Variants in UMODL1 observed in about 807,000 individuals in gnomAD.
The protein encoded by UMODL1 is uromodulin like 1.
A neutral mutation model predicts 136.3 loss-of-function variants in UMODL1; 128 were observed. The ratio of observed to expected loss-of-function variants is 0.94; its 90% confidence interval spans 0.81 to 1.09. The LOEUF (loss-of-function observed/expected upper bound fraction) is 1.09. Ranked by LOEUF, UMODL1 falls within the 50% of genes least tolerant of loss-of-function variation. The pLI is 0.00. For missense variants in UMODL1, 1,766 were observed against 1,725.6 expected (o/e 1.02, Z -0.41); for synonymous variants, 721 against 720.0 (o/e 1.00, Z -0.02).
rs1428094603 is a variant in UMODL1, at chr21:42,109,617, C to T, written c.1575C>T (p.Cys525=). 18 of 1,611,000 alleles carry T rather than the reference C, an allele frequency of 1.1e-5. No homozygotes were observed. Among genetic ancestry groups the T allele is most frequent in the Non-Finnish European group, 1.4e-5 (17 of 1,180,030 alleles). ...AEHDCSPAAW[C]INLEGSYTCQ... is the part of the protein sequence containing the mutation. ...ACGACTGCTCACCGGCTGCCTGGTG[C>T]ATCAACCTGGAGGGCTCCTACACCT... Residue 525 remains cysteine, a synonymous_variant, in exon 10 of 23, where the codon TGC becomes TGT. Coordinates refer to ENST00000408910, the MANE Select transcript of UMODL1 (RefSeq NM_001004416.3).
Position 42,121,117 on chromosome 21 carries a change from A to T in UMODL1, c.2720A>T (p.Asp907Val), listed in dbSNP as rs554595544. ...DYDECERKEDDCVPGTSCRNT... is the reference protein window; with the variant it reads ...DYDECERKEDVCVPGTSCRNT... ...GATGAGTGTGAAAGGAAGGAGGACG[A>T]CTGTGTGCCGGGGACATCCTGTCGA... is the stretch of plus-strand genomic sequence containing the variant. Residue 907 changes from aspartate to valine, a missense_variant, in exon 16 of 23, where the codon GAC becomes GTC. Transcript: ENST00000408910. 7.4e-6 allele frequency: 12 copies of T among 1,613,996 alleles called. No individual in the cohort carries two copies. In the South Asian group the frequency reaches 1.2e-4, roughly 16 times the overall value.
chr21:42,115,912 T>G lies in UMODL1; in HGVS notation c.2402T>G (p.Val801Gly). The G allele has an allele frequency of 6.2e-7, 1 of 1,614,018 alleles. No individual in the cohort carries two copies. Among genetic ancestry groups the G allele is most frequent in the Non-Finnish European group, 8.5e-7 (1 of 1,179,990 alleles). Reference sequence around the variant, plus strand: ...ATTGGAAAGGTCAGAATCAAAAATGTCAGGTACTCAGAATCCTTTCGCAAC... The same window carrying G: ...ATTGGAAAGGTCAGAATCAAAAATGGCAGGTACTCAGAATCCTTTCGCAAC... Reference protein sequence around the residue: ...KLIGKVRIKNVRYSESFRNAS... With the variant: ...KLIGKVRIKNGRYSESFRNAS... Residue 801 changes from valine (V) to glycine (G), a missense_variant, in exon 14 of 23, where the codon GTC becomes GGC. Val to Gly is a moderately radical substitution (Grantham distance 109). Transcript: ENST00000408910.
rs61044354 is a variant in UMODL1, at chr21:42,080,088, G to T, written c.319+3841G>T. Among the ~76,000 whole-genome samples the T allele has an allele frequency of 6.3e-3, 960 of 152,348 alleles. 4 individuals carry two copies. The highest frequency in any genetic ancestry group is 0.022 in the African/African-American group (918 of 41,572). On this transcript the variant is annotated intron_variant, in intron 2 of 22. Coordinates refer to ENST00000408910, the MANE Select transcript of UMODL1 (RefSeq NM_001004416.3). ...CCATGCTGGTGGTGTGAAGGCGCCTGTGGTGGGCGGATTTACACCCCGGAT... is the reference window on the plus strand; with the variant it reads ...CCATGCTGGTGGTGTGAAGGCGCCTTTGGTGGGCGGATTTACACCCCGGAT...
rs1369909058 is a variant in UMODL1, at chr21:42,142,572, T to C, written c.*498T>C. On this transcript the variant is annotated 3_prime_UTR_variant, in exon 23 of 23. Transcript: ENST00000408910. ...CTCTTGATGCTCTTTCGAAAATAGGTCAGTCTTAGAAATACACTGCTAATG... is the reference window on the plus strand; with the variant it reads ...CTCTTGATGCTCTTTCGAAAATAGGCCAGTCTTAGAAATACACTGCTAATG... 6.6e-6 allele frequency: 1 copy of C among 152,234 alleles called. No individual in the cohort carries two copies. The highest frequency in any genetic ancestry group is 2.4e-5 in the African/African-American group (1 of 41,450). 9.4% of individuals were successfully genotyped at this position (152,234 alleles called of 1,614,324 possible).
Position 42,099,250 on chromosome 21 carries a change from G to C in UMODL1, c.1186+70G>C. ...TTTCTATCCCAGGTCTGTGGCCCTAGCATGTCGCGTTCTTCTTCCTATAAC... is the reference window on the plus strand; with the variant it reads ...TTTCTATCCCAGGTCTGTGGCCCTACCATGTCGCGTTCTTCTTCCTATAAC... On this transcript the variant is annotated intron_variant, in intron 7 of 22. Coordinates refer to ENST00000408910, the MANE Select transcript of UMODL1 (RefSeq NM_001004416.3). This position sits in a 1 kb window ranked among gnomAD's most constrained non-coding sequence, Gnocchi z 4.1. 6.4e-7 allele frequency: 1 copy of C among 1,563,328 alleles called. No individual in the cohort carries two copies. The highest frequency in any genetic ancestry group is 1.8e-5 in the Admixed American group (1 of 55,264).
intron 17 of UMODL1, among the ~76,000 whole-genome samples, chr21:42,125,102 G>T (rs922408710): frequency 2.0e-5 from 3 of 152,114 alleles, no homozygotes; most frequent in Non-Finnish European, 4.4e-5. Flanking sequence ...CACTGGATGG[G>T]TCAAAGCTGT....
At chr21:42,108,599 G>A (rs1569159873) in intron 9 of UMODL1, 1 of 342,954 alleles carries the variant, frequency 2.9e-6, no homozygotes. Flanking sequence ...TGCCGGGTGT[G>A]GGTTCGTTCC....
chr21:42,092,188 G>C (rs2066499884), intron 6 of UMODL1, among the ~76,000 whole-genome samples: 1 of 152,202 alleles, frequency 6.6e-6, no homozygotes, highest in South Asian at 2.1e-4. Context: ...AAGACAGCTG[G>C]AGGAGAGAAA....
intron 21 of UMODL1, among the ~76,000 whole-genome samples, chr21:42,135,193 G>A (rs1264148743): frequency 7.2e-5 from 11 of 152,224 alleles, no homozygotes; most frequent in East Asian, 1.9e-4. Context: ...CATGCCACAC[G>A]CATGGAGCCT....
rs371414815 is a variant in UMODL1, at chr21:42,122,931, C to A, written c.2928C>A (p.Pro976=). 5.3e-5 allele frequency: 85 copies of A among 1,613,984 alleles called. No homozygotes were observed. Among genetic ancestry groups the A allele is most frequent in the Admixed American group, 1.0e-4 (6 of 60,028 alleles). The change falls in exon 17 of 23, where the codon CCC becomes CCA. Residue 976 remains proline (P), a synonymous_variant. Coordinates refer to ENST00000408910, the MANE Select transcript of UMODL1 (RefSeq NM_001004416.3). This position sits in a 1 kb window ranked among gnomAD's most constrained non-coding sequence, Gnocchi z 4.3. ...AAFVQGTSPT[P]QGLPQRLNLT... Reference sequence around the variant, plus strand: ...TTGTGCAAGGCACCAGCCCCACCCCCCAAGGCCTGCCCCAGCGGCTGAACC... The same window carrying A: ...TTGTGCAAGGCACCAGCCCCACCCCACAAGGCCTGCCCCAGCGGCTGAACC...
chr21:42,123,809 G>GT lies in UMODL1; in HGVS notation c.3147+662dup, dbSNP rs2067013958. Among the ~76,000 whole-genome samples, 1 of 146,432 alleles carries GT rather than the reference G, an allele frequency of 6.8e-6. No individual in the cohort carries two copies. The highest frequency in any genetic ancestry group is 1.5e-5 in the Non-Finnish European group (1 of 67,996). ...TGTGAGTGTGTATGTATGGGTGTGT[G>GT]TTTGGGGGGCATTGGATGGCATTAG... On this transcript the variant is annotated intron_variant, in intron 17 of 22. Transcript: ENST00000408910. This position sits in a 1 kb window ranked among gnomAD's most constrained non-coding sequence, Gnocchi z 4.4.
intron 22 of UMODL1, among the ~76,000 whole-genome samples, chr21:42,141,495 G>A (rs2067280896): frequency 3.3e-5 from 5 of 152,248 alleles, no homozygotes; most frequent in South Asian, 4.1e-4. Flanking sequence ...CCAGCGATGA[G>A]GCCAACACTA....
intron 21 of UMODL1, among the ~76,000 whole-genome samples, chr21:42,132,633 C>A (rs1047760276): frequency 6.6e-6 from 1 of 152,158 alleles, no homozygotes; most frequent in Admixed American, 6.5e-5. Context: ...CCCATTTATT[C>A]ATTAATTCAT....
At chr21:42,091,504 G>C (rs796986249) in intron 6 of UMODL1, among the ~76,000 whole-genome samples, 1 of 152,240 alleles carries the variant, frequency 6.6e-6, no homozygotes, top group African/African-American at 2.4e-5. Flanking sequence ...ATGTAGGAAG[G>C]TGCTATAAAG....
Position 42,123,516 on chromosome 21 carries a change from CATGTGTCT to C in UMODL1, c.3147+367_3147+374del, listed in dbSNP as rs1008159963. ...GTGAGTGTACGTGTGTGCATGTGTG[CATGTGTCT>C]GAATATGTCTGTGTATGTGGGGGTG... On this transcript the variant is annotated intron_variant, in intron 17 of 22. Coordinates refer to ENST00000408910, the MANE Select transcript of UMODL1 (RefSeq NM_001004416.3). The surrounding 1 kb of genome is among the most constrained non-coding windows in gnomAD (Gnocchi z 4.4). Among the ~76,000 whole-genome samples the C allele has an allele frequency of 7.1e-6, 1 of 140,500 alleles. No individual in the cohort carries two copies. The highest frequency in any genetic ancestry group is 1.6e-5 in the Non-Finnish European group (1 of 62,814). 92.2% of individuals were successfully genotyped at this position (140,500 alleles called of 152,430 possible).
At position 42,127,109 on chromosome 21, in the gene UMODL1, G is replaced by T. The variant is rs766708190; in HGVS notation, c.3397G>T (p.Ala1133Ser). Residue 1133 changes from alanine (A) to serine (S), a missense_variant, in exon 19 of 23, where the codon GCC becomes TCC. Coordinates refer to ENST00000408910, the MANE Select transcript of UMODL1 (RefSeq NM_001004416.3). ...SPIPQNYSVS[A>S]SDDVRIEVGL... ...CATACCTCAGAATTATAGCGTGTCT[G>T]CCAGTGACGATGTCAGGATCGAAGT... is the stretch of plus-strand genomic sequence containing the variant. 55 of 1,614,092 alleles carry T rather than the reference G, an allele frequency of 3.4e-5. No individual in the cohort carries two copies. Among genetic ancestry groups the T allele is most frequent in the Non-Finnish European group, 4.3e-5 (51 of 1,180,052 alleles).
chr21:42,109,251 A>G (rs770114787), intron 9 of UMODL1, among the ~76,000 whole-genome samples: 3 of 152,200 alleles, frequency 2.0e-5, no homozygotes, highest in Admixed American at 6.5e-5. Flanking sequence ...AAGAGAGAGG[A>G]GAAAACATTT....
At chr21:42,063,605 A>G (rs2066159028) in intron 1 of UMODL1, among the ~76,000 whole-genome samples, 1 of 152,078 alleles carries the variant, frequency 6.6e-6, no homozygotes, top group African/African-American at 2.4e-5. Context: ...CCTGATCGTT[A>G]GGACAGGAGC....
chr21:42,119,407 A>T (rs1324939699), intron 15 of UMODL1, 83 bp downstream of exon 15: 1 of 1,357,518 alleles, frequency 7.4e-7, no homozygotes, highest in South Asian at 1.2e-5. Context: ...CGCTTTTGAA[A>T]GATGTCGTGT....
Sources: gnomAD v4.1 joint callset for allele counts (sites outside exome capture counted in the v4.1 genomes callset) on GRCh38, gnomAD v4.1.1 for gene constraint, Gnocchi (gnomAD v3.1) non-coding constraint, MANE v1.5 for transcripts, NCBI Gene and HGNC (gene_info 2026-07-23, HGNC 2026-07-21) for gene names.